The following LY75 variants were observed in gnomAD, a reference collection of about 807,000 sequenced individuals.
LY75 encodes C-type lectin domain family 13 member B.
Under a neutral mutation model 231.7 loss-of-function variants are expected in LY75, and 185 were observed. The observed-to-expected ratio is 0.80, with a 90% CI of 0.71 to 0.90. The LOEUF is 0.90. Ranked by LOEUF, LY75 falls within the 40% of genes least tolerant of loss-of-function variation. LY75 has a pLI of 0.00. For synonymous variants in LY75, 668 were observed against 689.0 expected, an observed-to-expected ratio of 0.97 and a Z score of 0.48; for missense variants, 1,947 against 2,050.2, an observed-to-expected ratio of 0.95 and a Z score of 0.97.
chr2:159,859,255 A>G (rs531896977), intron 15 of LY75, among the ~76,000 whole-genome samples: 1 of 152,352 alleles, frequency 6.6e-6, no homozygotes, highest in East Asian at 1.9e-4. Context: ...TATAAAAATG[A>G]CATGTACTAC....
intron 28 of LY75, among the ~76,000 whole-genome samples, chr2:159,821,187 A>G (rs1448186119): frequency 6.7e-6 from 1 of 149,756 alleles, no homozygotes; most frequent in African/African-American, 2.5e-5. Context: ...TGTGGAAAGA[A>G]TAGTCTTCTA....
At chr2:159,883,935 T>C (rs1685511412) in intron 6 of LY75, among the ~76,000 whole-genome samples, 2 of 152,184 alleles carry the variant, frequency 1.3e-5, no homozygotes, top group African/African-American at 4.8e-5. Flanking sequence ...CATTTAAAAA[T>C]CATCCTTTCC....
In LY75 at chr2:159,837,501, G is replaced by A. The variant is rs142831501; in HGVS notation, c.3508-1856C>T. ...GTCTGGGGACTCCAAAAGTGGGGAG[G>A]GAGTGGAGCAAGGGTTGAAACACTA... On this transcript the variant is annotated intron_variant, in intron 25 of 34. Transcript: ENST00000263636. 4.7e-4 allele frequency among the ~76,000 whole-genome samples: 72 copies of A among 152,228 alleles called. 1 individual carries two copies. Among genetic ancestry groups the A allele is most frequent in the African/African-American group, 1.6e-3 (68 of 41,530 alleles).
intron 30 of LY75, among the ~76,000 whole-genome samples, chr2:159,816,033 T>C (rs2125831033): frequency 6.6e-6 from 1 of 152,314 alleles, no homozygotes; most frequent in East Asian, 1.9e-4. Context: ...AGAGAAACAC[T>C]TCCCAAGAAA....
At chr2:159,894,643 A>T (rs925711314) in intron 2 of LY75, among the ~76,000 whole-genome samples, 1 of 152,150 alleles carries the variant, frequency 6.6e-6, no homozygotes, top group African/African-American at 2.4e-5. Context: ...GTTTTTGAGG[A>T]AGTAAAAGGA....
At chr2:159,889,057 C>T (rs1032379924) in intron 4 of LY75, among the ~76,000 whole-genome samples, 4 of 151,940 alleles carry the variant, frequency 2.6e-5, no homozygotes, top group Non-Finnish European at 4.4e-5. Context: ...AACTTAGGTT[C>T]CTTGATTTTT....
chr2:159,830,589 T>TC (rs1491328955), intron 28 of LY75, among the ~76,000 whole-genome samples: 1 of 10,178 alleles, frequency 9.8e-5, no homozygotes, highest in East Asian at 1.8e-3. Context: ...TTTTCTATTC[T>TC]TTTTTTTTTT....
At chr2:159,828,378 C>G (rs1314658553) in intron 28 of LY75, among the ~76,000 whole-genome samples, 3 of 151,798 alleles carry the variant, frequency 2.0e-5, no homozygotes, top group Non-Finnish European at 2.9e-5. Context: ...AGGTGATATA[C>G]AAATATTCAA....
intron 22 of LY75, 51 bp downstream of exon 22, chr2:159,850,311 T>C (rs375228366): frequency 1.9e-6 from 3 of 1,599,714 alleles, no homozygotes; most frequent in Non-Finnish European, 1.7e-6. Flanking sequence ...CTCCTAAAAC[T>C]AACCTGGCCC....
intron 1 of LY75, 69 bp downstream of exon 1, chr2:159,904,520 G>C (rs1331286952): frequency 1.7e-5 from 24 of 1,439,588 alleles, no homozygotes; most frequent in Non-Finnish European, 2.1e-5. Context: ...CCTGCCCCAG[G>C]CTGGAAGGCA....
chr2:159,864,996 A>T (rs577911275), intron 13 of LY75, 76 bp from the exon 14 acceptor site: 1 of 1,304,680 alleles, frequency 7.7e-7, no homozygotes, highest in African/African-American at 1.5e-5. Flanking sequence ...TCTAATGTGC[A>T]TCACTAATTG....
chr2:159,807,995 T>A, intron 33 of LY75: 1 of 926,290 alleles, frequency 1.1e-6, no homozygotes, highest in Non-Finnish European at 1.3e-6. Flanking sequence ...TATTAAGACA[T>A]AATTTTAACC....
chr2:159,896,958 CT>C (rs1465961037), intron 2 of LY75, among the ~76,000 whole-genome samples: 2 of 152,044 alleles, frequency 1.3e-5, no homozygotes, highest in Non-Finnish European at 2.9e-5. Flanking sequence ...TCAAGAAACA[CT>C]TCATGCCTTT....
intron 28 of LY75, among the ~76,000 whole-genome samples, chr2:159,829,131 C>T (rs1323348440): frequency 2.0e-5 from 3 of 152,152 alleles, no homozygotes; most frequent in African/African-American, 7.2e-5. Context: ...GCCATCACTA[C>T]CTACACACAC....
At chr2:159,895,527 A>G (rs1302281542) in intron 2 of LY75, among the ~76,000 whole-genome samples, 1 of 152,154 alleles carries the variant, frequency 6.6e-6, no homozygotes, top group African/African-American at 2.4e-5. Flanking sequence ...CTTGGTATAC[A>G]TTTCTGTCAT....
chr2:159,893,730 G>A (rs78775433), intron 3 of LY75, among the ~76,000 whole-genome samples, 184 bp downstream of exon 3: 3,114 of 152,094 alleles, frequency 0.02, 48 homozygotes, highest in African/African-American at 0.045. Context: ...GTTCACTTCC[G>A]GGCCTGCTTC....
chr2:159,830,946 C>T (rs1683636983), intron 28 of LY75, among the ~76,000 whole-genome samples: 1 of 152,134 alleles, frequency 6.6e-6, no homozygotes, highest in Admixed American at 6.5e-5. Flanking sequence ...GGGTTATAAA[C>T]CCAAAACTGC....
chr2:159,877,502 C>T (rs193266622), intron 11 of LY75, among the ~76,000 whole-genome samples: 1 of 152,160 alleles, frequency 6.6e-6, no homozygotes, highest in Admixed American at 6.5e-5. Context: ...TCCTTTCCGG[C>T]TTAAGTGTTC....
intron 8 of LY75, among the ~76,000 whole-genome samples, chr2:159,879,709 A>C (rs1685378335): frequency 6.6e-6 from 1 of 152,190 alleles, no homozygotes; most frequent in African/African-American, 2.4e-5. Context: ...CTAGAATGGC[A>C]TAGCCAAAGT....
Sources: allele counts gnomAD v4.1 joint callset (sites outside exome capture counted in the v4.1 genomes callset), GRCh38; gene constraint gnomAD v4.1.1; transcripts MANE v1.5; gene names NCBI Gene and HGNC (gene_info 2026-07-23, HGNC 2026-07-21).